NRXN3: variants seen among roughly 807,000 people sequenced by gnomAD.
NRXN3 encodes the protein neurexin 3.
A neutral mutation model predicts 137.6 loss-of-function variants in NRXN3; 32 were observed. The ratio of observed to expected loss-of-function variants is 0.23; its 90% CI spans 0.18 to 0.31. NRXN3 has a LOEUF of 0.31. Among genes scored for constraint, NRXN3 ranks in the 10% least tolerant of loss-of-function variants. The pLI, the probability that NRXN3 is intolerant of heterozygous loss-of-function variation, is 1.00. For missense variants in NRXN3, 1,574 were observed against 2,062.5 expected, an observed-to-expected ratio of 0.76 and a Z score of 4.59; for synonymous variants, 798 against 784.5, an observed-to-expected ratio of 1.02 and a Z score of -0.29.
intron 15 of NRXN3, among the ~76,000 whole-genome samples, chr14:79,181,838 C>T (rs982354071): frequency 1.3e-5 from 2 of 151,854 alleles, no homozygotes; most frequent in Non-Finnish European, 2.9e-5. Context: ...AGGAGAGATC[C>T]TATATTTTAT....
chr14:78,896,783 G>A (rs555177538), intron 10 of NRXN3, among the ~76,000 whole-genome samples: 48 of 151,990 alleles, frequency 3.2e-4, no homozygotes, highest in Non-Finnish European at 6.2e-4. Context: ...TATGGGCAGA[G>A]CAAACAGCAT....
intron 17 of NRXN3, among the ~76,000 whole-genome samples, chr14:79,683,220 C>T (rs1472531196): frequency 2.6e-5 from 4 of 152,120 alleles, no homozygotes; most frequent in African/African-American, 7.2e-5. Flanking sequence ...ATCTCTTAAA[C>T]TCGGGACTGA....
intron 20 of NRXN3, among the ~76,000 whole-genome samples, chr14:79,859,805 C>A (rs1162091322): frequency 6.6e-6 from 1 of 152,200 alleles, no homozygotes; most frequent in Non-Finnish European, 1.5e-5. Flanking sequence ...ATTAGTACCT[C>A]AACCTTCTAA....
chr14:78,515,256 G>A (rs992595514), intron 4 of NRXN3, among the ~76,000 whole-genome samples: 1 of 152,130 alleles, frequency 6.6e-6, no homozygotes, highest in African/African-American at 2.4e-5. Context: ...GCTCATCTTC[G>A]ACCTGGTAAT....
At chr14:78,856,737 GT>G (rs796970685) in intron 10 of NRXN3, among the ~76,000 whole-genome samples, 1 of 151,932 alleles carries the variant, frequency 6.6e-6, no homozygotes, top group East Asian at 1.9e-4. Context: ...TGTTTTATTT[GT>G]TTTTTTCTTG....
chr14:79,144,120 A>G (rs2059075329), intron 15 of NRXN3, among the ~76,000 whole-genome samples: 1 of 152,196 alleles, frequency 6.6e-6, no homozygotes, highest in South Asian at 2.1e-4. Context: ...GATTCATTTT[A>G]TCTTGCAGAA....
intron 6 of NRXN3, 122 bp downstream of exon 6, chr14:78,651,448 A>T: frequency 8.8e-7 from 1 of 1,134,806 alleles, no homozygotes. Flanking sequence ...TGCAGCAGAA[A>T]CAACCTTGAA....
chr14:79,459,718 T>C (rs2096303368), intron 15 of NRXN3, among the ~76,000 whole-genome samples: 2 of 151,962 alleles, frequency 1.3e-5, no homozygotes, highest in Non-Finnish European at 2.9e-5. Context: ...ATAAATAATA[T>C]ATACACATAG....
intron 19 of NRXN3, among the ~76,000 whole-genome samples, chr14:79,768,574 A>C (rs2099064843): frequency 6.6e-6 from 1 of 152,184 alleles, no homozygotes; most frequent in African/African-American, 2.4e-5. Flanking sequence ...TGTCTGTTAG[A>C]TGGAAAACTA....
chr14:79,639,060 C>A (rs1436435069), intron 16 of NRXN3, among the ~76,000 whole-genome samples: 1 of 152,090 alleles, frequency 6.6e-6, no homozygotes, highest in Non-Finnish European at 1.5e-5. Flanking sequence ...CATACACACT[C>A]CCCCAGTTGT....
chr14:79,754,103 C>T (rs970948169), intron 19 of NRXN3, among the ~76,000 whole-genome samples: 20 of 151,936 alleles, frequency 1.3e-4, no homozygotes, highest in African/African-American at 2.7e-4. Flanking sequence ...AGGTGGATCA[C>T]GTAAGGTTGG....
chr14:78,212,982 C>A (rs556070548), intron 1 of NRXN3, among the ~76,000 whole-genome samples: 265 of 152,266 alleles, frequency 1.7e-3, no homozygotes, highest in African/African-American at 5.9e-3. Flanking sequence ...TTTTGTTAGA[C>A]CCACTTAGAG....
At chr14:79,429,234 C>A (rs2095706271) in intron 15 of NRXN3, among the ~76,000 whole-genome samples, 1 of 152,068 alleles carries the variant, frequency 6.6e-6, no homozygotes, top group Non-Finnish European at 1.5e-5. Flanking sequence ...GTGTATAGTA[C>A]CAGTCCAGAC....
chr14:79,409,641 A>ATATG (rs1239582433), intron 15 of NRXN3, among the ~76,000 whole-genome samples: 1 of 145,390 alleles, frequency 6.9e-6, no homozygotes, highest in Non-Finnish European at 1.5e-5. Flanking sequence ...ATATATATAT[A>ATATG]TATCCTCAAA....
chr14:78,904,383 C>T (rs938389521), intron 10 of NRXN3, among the ~76,000 whole-genome samples: 2 of 151,956 alleles, frequency 1.3e-5, no homozygotes, highest in Admixed American at 6.6e-5. Flanking sequence ...TCAATAATGC[C>T]GAGGTTGAAA....
chr14:78,562,881 T>C (rs191007631), intron 4 of NRXN3, among the ~76,000 whole-genome samples: 4 of 152,340 alleles, frequency 2.6e-5, no homozygotes, highest in African/African-American at 4.8e-5. Context: ...AGAGTGTAAA[T>C]AAGATATGGC....
At chr14:78,438,304 G>T (rs1294269676) in intron 4 of NRXN3, among the ~76,000 whole-genome samples, 1 of 152,118 alleles carries the variant, frequency 6.6e-6, no homozygotes, top group African/African-American at 2.4e-5. Context: ...CTGGAAATTT[G>T]GTTTTGAGTT....
chr14:79,204,069 A>T (rs1055806541), intron 15 of NRXN3, among the ~76,000 whole-genome samples: 1 of 152,090 alleles, frequency 6.6e-6, no homozygotes, highest in Non-Finnish European at 1.5e-5. Context: ...GCCAGTGCCA[A>T]CATCCCCCTG....
chr14:79,400,393 G>A (rs975285252), intron 15 of NRXN3, among the ~76,000 whole-genome samples: 1 of 152,138 alleles, frequency 6.6e-6, no homozygotes, highest in Non-Finnish European at 1.5e-5. Flanking sequence ...GTCAAGTGTT[G>A]TCCTAGGCTC....
Sources: gnomAD v4.1 joint callset for allele counts (sites outside exome capture counted in the v4.1 genomes callset) on GRCh38, gnomAD v4.1.1 for gene constraint, MANE v1.5 for transcripts, NCBI Gene and HGNC (gene_info 2026-07-23, HGNC 2026-07-21) for gene names.